The following RPA3 variants were observed in gnomAD, a reference collection of about 807,000 sequenced individuals.
RPA3 encodes the protein replication protein A3, also known as replication protein A 14 kDa subunit.
RPA3 carries 24 observed loss-of-function variants against 13.7 expected under a neutral mutation model. The ratio of observed to expected loss-of-function variants is 1.75; its 90% confidence interval spans 1.27 to 2.46. The LOEUF (loss-of-function observed/expected upper bound fraction) is 2.46. Among genes scored for constraint, RPA3 ranks in the 30% most tolerant of loss-of-function variants. The pLI, the probability that RPA3 is intolerant of heterozygous loss-of-function variation, is 0.00. For missense variants in RPA3, 183 were observed against 151.0 expected, an observed-to-expected ratio of 1.21 and a Z score of -1.11; for synonymous variants, 59 against 51.2, an observed-to-expected ratio of 1.15 and a Z score of -0.65.
chr7:7,663,119 T>G (rs1785516559), intron 4 of RPA3, among the ~76,000 whole-genome samples: 1 of 151,768 alleles, frequency 6.6e-6, no homozygotes, highest in African/African-American at 2.4e-5. Flanking sequence ...TGTATAATGC[T>G]CTCAATCTTT....
chr7:7,704,766 C>CA (rs71011001), intron 2 of RPA3, among the ~76,000 whole-genome samples: 9,146 of 17,766 alleles, frequency 0.51, 3,553 homozygotes, highest in Non-Finnish European at 0.6. Flanking sequence ...GACTCCATCT[C>CA]AAAAAAAAAA....
chr7:7,662,644 C>A (rs62452515), intron 4 of RPA3, among the ~76,000 whole-genome samples: 11,685 of 152,226 alleles, frequency 0.077, 476 homozygotes, highest in Middle Eastern at 0.13. Context: ...TTGGGCTGCA[C>A]CCACTGTCTA....
Position 7,636,963 on chromosome 7 carries a change from T to A in RPA3, c.*37A>T, listed in dbSNP as rs754668702. 7.0e-7 allele frequency: 1 copy of A among 1,420,306 alleles called. No individual in the cohort carries two copies. The highest frequency in any genetic ancestry group is 2.3e-5 in the East Asian group (1 of 43,802). The allele number at this position is 1,420,306 out of a possible 1,614,324, so 88.0% of individuals were successfully genotyped here. On this transcript the variant is annotated 3_prime_UTR_variant, in exon 8 of 8. Coordinates refer to ENST00000223129, the MANE Select transcript of RPA3 (RefSeq NM_002947.5). Reference sequence around the variant, plus strand: ...AAGGGCTTCCTTTAATAGACTTTAATATAGCTCATTTACAATCGTATGAAA... The same window carrying A: ...AAGGGCTTCCTTTAATAGACTTTAAAATAGCTCATTTACAATCGTATGAAA...
chr7:7,708,883 A>G (rs900699327), intron 2 of RPA3, among the ~76,000 whole-genome samples: 1 of 151,910 alleles, frequency 6.6e-6, no homozygotes, highest in Non-Finnish European at 1.5e-5. Flanking sequence ...TATGTTTTTA[A>G]GAAGTTTTTA....
chr7:7,655,769 A>G (rs2115081543), intron 4 of RPA3, among the ~76,000 whole-genome samples: 1 of 152,200 alleles, frequency 6.6e-6, no homozygotes, highest in East Asian at 1.9e-4. Context: ...ATGTATTTTA[A>G]TTTAAAAAAT....
chr7:7,656,258 A>G (rs1450779632), intron 4 of RPA3, among the ~76,000 whole-genome samples: 1 of 152,190 alleles, frequency 6.6e-6, no homozygotes, highest in Non-Finnish European at 1.5e-5. Context: ...AGGAGAAAAA[A>G]GAACAATGTA....
intron 4 of RPA3, among the ~76,000 whole-genome samples, chr7:7,649,744 C>A (rs1190847155): frequency 2.0e-5 from 3 of 152,016 alleles, no homozygotes; most frequent in African/African-American, 7.3e-5. Flanking sequence ...GTTTGTCTCT[C>A]TCCCCCCACC....
At chr7:7,644,487 T>C (rs942745563) in intron 4 of RPA3, among the ~76,000 whole-genome samples, 1 of 152,192 alleles carries the variant, frequency 6.6e-6, no homozygotes, top group Non-Finnish European at 1.5e-5. Context: ...AAAGGTATTC[T>C]ATTTTTCCTA....
chr7:7,698,326 T>A (rs1195102516), intron 2 of RPA3, among the ~76,000 whole-genome samples: 1 of 152,208 alleles, frequency 6.6e-6, no homozygotes, highest in Non-Finnish European at 1.5e-5. Flanking sequence ...TAGTGCTTTT[T>A]AAAATAAGGT....
chr7:7,649,470 T>C (rs1280129275), intron 4 of RPA3, among the ~76,000 whole-genome samples: 1 of 152,262 alleles, frequency 6.6e-6, no homozygotes, highest in Non-Finnish European at 1.5e-5. Flanking sequence ...CACTGTTGCA[T>C]TGGCAATTAA....
intron 4 of RPA3, among the ~76,000 whole-genome samples, chr7:7,664,371 T>A (rs1365245802): frequency 6.6e-6 from 1 of 152,164 alleles, no homozygotes; most frequent in Non-Finnish European, 1.5e-5. Context: ...TATTTTACAT[T>A]TAATCTCTCT....
chr7:7,699,655 C>A (rs1319082797), intron 2 of RPA3, among the ~76,000 whole-genome samples: 1 of 152,198 alleles, frequency 6.6e-6, no homozygotes, highest in Non-Finnish European at 1.5e-5. Context: ...TTCCTCCAGG[C>A]TTTTCACATT....
intron 4 of RPA3, among the ~76,000 whole-genome samples, chr7:7,667,579 A>C (rs775149139): frequency 1.2e-4 from 19 of 152,146 alleles, no homozygotes; most frequent in Non-Finnish European, 2.2e-4. Flanking sequence ...TGTCTGGCCT[A>C]TCCACTTAAT....
At chr7:7,672,101 C>G (rs12702634) in intron 4 of RPA3, among the ~76,000 whole-genome samples, 124,526 of 152,142 alleles carry the variant, frequency 0.82, 51,361 homozygotes, top group Non-Finnish European at 0.88. Flanking sequence ...CTTTCACTCA[C>G]ATTAAATCCT....
chr7:7,641,249 C>A (rs1289779520), intron 4 of RPA3, 74 bp from the exon 5 acceptor site: 1 of 152,244 alleles, frequency 6.6e-6, no homozygotes, highest in South Asian at 2.1e-4. Flanking sequence ...GCGGAGGCGC[C>A]GGTTCTTTCA....
intron 2 of RPA3, among the ~76,000 whole-genome samples, chr7:7,700,093 T>A (rs1780420919): frequency 6.6e-6 from 1 of 152,180 alleles, no homozygotes. Context: ...TAACAAAGTG[T>A]CATAGATTGG....
chr7:7,700,490 C>T (rs10227168), intron 2 of RPA3, among the ~76,000 whole-genome samples: 48,385 of 151,920 alleles, frequency 0.32, 7,861 homozygotes, highest in South Asian at 0.37. Context: ...TGTGGGAGGC[C>T]AATGTGGGAA....
rs28912738 is a variant in RPA3, at chr7:7,686,858, A to G, written c.-927+370T>C. ...TGCAGATTCTAGGAAATCTTTTAAAAACACACTGCTGTGTACCTTCCTTAC... is the reference window on the plus strand; with the variant it reads ...TGCAGATTCTAGGAAATCTTTTAAAGACACACTGCTGTGTACCTTCCTTAC... On this transcript the variant is annotated intron_variant, in intron 3 of 7. Transcript: ENST00000223129. Among the ~76,000 whole-genome samples the G allele has an allele frequency of 1.2e-4, 18 of 152,236 alleles. No homozygotes were observed. In the East Asian group the frequency reaches 3.3e-3, roughly 28 times the overall value.
chr7:7,687,797 C>T (rs1036755352), intron 2 of RPA3, among the ~76,000 whole-genome samples: 1 of 152,164 alleles, frequency 6.6e-6, no homozygotes, highest in South Asian at 2.1e-4. Context: ...AAGGTTTACA[C>T]TATAGTGTTA....
Sources: allele counts gnomAD v4.1 joint callset (sites outside exome capture counted in the v4.1 genomes callset), GRCh38; gene constraint gnomAD v4.1.1; transcripts MANE v1.5; gene names NCBI Gene and HGNC (gene_info 2026-07-23, HGNC 2026-07-21).